Variants in SLX4IP observed in about 807,000 individuals in gnomAD.
SLX4IP encodes protein SLX4IP.
A neutral mutation model predicts 32.9 loss-of-function variants in SLX4IP; 34 were observed. That is an observed-to-expected ratio of 1.03 (90% confidence interval 0.79 to 1.38). The LOEUF is 1.38. Ranked by LOEUF, SLX4IP falls within the 40% of genes most tolerant of loss-of-function variation. The pLI is 0.00. For missense variants in SLX4IP, 444 were observed against 479.0 expected (o/e 0.93, Z 0.68); for synonymous variants, 172 against 171.7 (o/e 1.00, Z -0.01).
At chr20:10,444,601 C>T (rs1198869692) in intron 1 of SLX4IP, among the ~76,000 whole-genome samples, 2 of 152,132 alleles carry the variant, frequency 1.3e-5, no homozygotes, top group Admixed American at 1.3e-4. Flanking sequence ...TGGTCTCGAA[C>T]TCCTGACCTC....
chr20:10,483,157 TTGCCCAGGCTAGAGTAAAG>T (rs34829647), intron 2 of SLX4IP, among the ~76,000 whole-genome samples: 59,318 of 152,092 alleles, frequency 0.39, 11,785 homozygotes, highest in Non-Finnish European at 0.43. Context: ...TCTCGCTCTG[TTGCCCAGGCTAGAGTAAAG>T]TGACGTGATC....
intron 2 of SLX4IP, among the ~76,000 whole-genome samples, chr20:10,511,036 T>C (rs1355484533): frequency 6.6e-6 from 1 of 152,232 alleles, no homozygotes; most frequent in African/African-American, 2.4e-5. Context: ...CCCGGGTGAC[T>C]TTATCAGAGA....
intron 2 of SLX4IP, among the ~76,000 whole-genome samples, chr20:10,509,499 G>A (rs543113519): frequency 2.0e-5 from 3 of 152,104 alleles, no homozygotes; most frequent in East Asian, 1.9e-4. Flanking sequence ...GTAGAGGGTC[G>A]CTCTCCTGTA....
intron 2 of SLX4IP, among the ~76,000 whole-genome samples, chr20:10,508,344 A>G (rs189024007): frequency 4.6e-5 from 7 of 152,330 alleles, no homozygotes; most frequent in Admixed American, 3.9e-4. Flanking sequence ...CTGTAGCATG[A>G]TTTGTCCTGG....
intron 2 of SLX4IP, among the ~76,000 whole-genome samples, chr20:10,460,456 G>T (rs922745152): frequency 1.3e-5 from 2 of 152,184 alleles, no homozygotes; most frequent in Non-Finnish European, 1.5e-5. Flanking sequence ...ATGAAAGATG[G>T]CATACTCAGT....
At chr20:10,504,096 G>A (rs1256876980) in intron 2 of SLX4IP, among the ~76,000 whole-genome samples, 1 of 152,202 alleles carries the variant, frequency 6.6e-6, no homozygotes, top group East Asian at 1.9e-4. Flanking sequence ...CAGCCATGAA[G>A]AAAGCCTAGA....
intron 2 of SLX4IP, among the ~76,000 whole-genome samples, chr20:10,518,280 T>C (rs1233880579): frequency 6.6e-6 from 1 of 152,250 alleles, no homozygotes; most frequent in African/African-American, 2.4e-5. Context: ...GCTTTCCTGC[T>C]GGAAACTGAG....
At chr20:10,438,862 C>A (rs954948553) in intron 1 of SLX4IP, among the ~76,000 whole-genome samples, 1 of 151,104 alleles carries the variant, frequency 6.6e-6, no homozygotes, top group African/African-American at 2.4e-5. Context: ...TCATCATAAT[C>A]ATTTTTTTTT....
intron 2 of SLX4IP, among the ~76,000 whole-genome samples, chr20:10,501,523 T>G (rs1049657884): frequency 6.6e-6 from 1 of 152,214 alleles, no homozygotes; most frequent in Non-Finnish European, 1.5e-5. Context: ...GCAATCTCCT[T>G]CCTTCAGAGG....
chr20:10,479,365 T>TTTTC (rs2065502500), intron 2 of SLX4IP, among the ~76,000 whole-genome samples: 1 of 149,904 alleles, frequency 6.7e-6, no homozygotes, highest in South Asian at 2.1e-4. Flanking sequence ...TTTTTTTTTT[T>TTTTC]TTTTTGAGAT....
At chr20:10,504,705 C>G (rs2065744111) in intron 2 of SLX4IP, among the ~76,000 whole-genome samples, 2 of 152,148 alleles carry the variant, frequency 1.3e-5, no homozygotes, top group African/African-American at 2.4e-5. Flanking sequence ...TGGGATTTTT[C>G]TGGCCAGAAG....
intron 3 of SLX4IP, among the ~76,000 whole-genome samples, chr20:10,556,657 T>C (rs1220027932): frequency 2.0e-5 from 3 of 152,358 alleles, no homozygotes; most frequent in South Asian, 4.1e-4. Flanking sequence ...TTAACCTGAC[T>C]GGTTGTGAAG....
At chr20:10,462,083 A>G (rs1335771219) in intron 2 of SLX4IP, among the ~76,000 whole-genome samples, 3 of 152,228 alleles carry the variant, frequency 2.0e-5, no homozygotes, top group Admixed American at 2.0e-4. Context: ...TATAAATTAA[A>G]AACATAATAT....
At chr20:10,454,541 G>T (rs1366579306) in intron 1 of SLX4IP, among the ~76,000 whole-genome samples, 2 of 152,212 alleles carry the variant, frequency 1.3e-5, no homozygotes, top group Non-Finnish European at 2.9e-5. Context: ...TTCTGCCAGG[G>T]TGAGAAAAAG....
intron 2 of SLX4IP, among the ~76,000 whole-genome samples, chr20:10,473,649 C>T (rs1460063539): frequency 1.3e-5 from 2 of 150,472 alleles, no homozygotes; most frequent in Non-Finnish European, 2.9e-5. Flanking sequence ...GTCACCCAGG[C>T]TGGAATGCAG....
rs148807361 is a variant in SLX4IP at position 10,594,969 on chromosome 20, G to A, written c.239-3706G>A. On this transcript the variant is annotated intron_variant, in intron 4 of 7. Transcript: ENST00000334534. ...GGTAAGCCAGAAGAAAGTTAGTGTG[G>A]TAACAAGTAATCATTTGAGGCTTCA... 4.7e-4 allele frequency among the ~76,000 whole-genome samples: 72 copies of A among 152,128 alleles called. No homozygotes were observed. The East Asian group carries it at 9.3e-3, about 20-fold the overall frequency.
rs142047022 is a variant in SLX4IP, at chr20:10,485,740, A to G, written c.27+27509A>G. 5.9e-5 allele frequency among the ~76,000 whole-genome samples: 9 copies of G among 152,300 alleles called. No individual in the cohort carries two copies. In the East Asian group the frequency reaches 1.7e-3, roughly 29 times the overall value. ...GTCCATTAACACATATTTTTATGTT[A>G]TATGTACTATATACTGTATGCTTAT... On this transcript the variant is annotated intron_variant, in intron 2 of 7. Coordinates refer to ENST00000334534, the MANE Select transcript of SLX4IP (RefSeq NM_001009608.3).
At chr20:10,520,817 A>G (rs2065895944) in intron 2 of SLX4IP, among the ~76,000 whole-genome samples, 1 of 152,138 alleles carries the variant, frequency 6.6e-6, no homozygotes, top group Non-Finnish European at 1.5e-5. Context: ...TAATTGTTGG[A>G]ATCACATTAT....
At chr20:10,517,369 C>T (rs620366) in intron 2 of SLX4IP, among the ~76,000 whole-genome samples, 3 of 151,948 alleles carry the variant, frequency 2.0e-5, no homozygotes, top group Admixed American at 6.5e-5. Context: ...TAGGCCAGAA[C>T]GTGATGTAGG....
Sources: allele counts gnomAD v4.1 joint callset (sites outside exome capture counted in the v4.1 genomes callset), GRCh38; gene constraint gnomAD v4.1.1; transcripts MANE v1.5; gene names NCBI Gene and HGNC (gene_info 2026-07-23, HGNC 2026-07-21).